Variants in VWA3B observed in about 807,000 individuals in gnomAD.
VWA3B encodes von Willebrand factor A domain-containing protein 3B.
A neutral mutation model predicts 158.3 loss-of-function variants in VWA3B; 138 were observed. The ratio of observed to expected loss-of-function variants is 0.87; its 90% CI spans 0.76 to 1.00. VWA3B has a LOEUF of 1.00. Among genes scored for constraint, VWA3B ranks in the 50% least tolerant of loss-of-function variants. The pLI is 0.00. For missense variants in VWA3B, 1,555 were observed against 1,565.1 expected (o/e 0.99, Z 0.11); for synonymous variants, 596 against 587.3 (o/e 1.01, Z -0.21).
intron 8 of VWA3B, 137 bp downstream of exon 8, chr2:98,163,113 C>A: frequency 7.2e-7 from 1 of 1,384,714 alleles, no homozygotes; most frequent in Non-Finnish European, 9.8e-7. Flanking sequence ...GCAGCCAGAG[C>A]TGTGTGGGGT....
At chr2:98,092,860 A>ATATATATATATATG (rs1553633936) in intron 1 of VWA3B, among the ~76,000 whole-genome samples, 3 of 118,518 alleles carry the variant, frequency 2.5e-5, no homozygotes, top group East Asian at 2.6e-4. Flanking sequence ...ATATATATAT[A>ATATATATATATATG]GTTGAATATT....
chr2:98,322,538 G>A, the VWA3B span, among the ~76,000 whole-genome samples: 1 of 152,200 alleles, frequency 6.6e-6, no homozygotes, highest in African/African-American at 2.4e-5. Context: ...GGAACTCTGT[G>A]AAAAAATTAG....
At chr2:98,214,221 C>CA (rs146956559) in intron 13 of VWA3B, among the ~76,000 whole-genome samples, 449 of 150,320 alleles carry the variant, frequency 3.0e-3, no homozygotes, top group Non-Finnish European at 4.5e-3. Flanking sequence ...AAGCAAAACA[C>CA]AAAAAAAACA....
chr2:98,163,846 G>A, intron 8 of VWA3B, among the ~76,000 whole-genome samples: 1 of 152,224 alleles, frequency 6.6e-6, no homozygotes. Context: ...AAAGCGATCA[G>A]ATACTGAGGG....
At chr2:98,145,360 A>G (rs550582040) in intron 7 of VWA3B, among the ~76,000 whole-genome samples, 1 of 152,294 alleles carries the variant, frequency 6.6e-6, no homozygotes, top group Admixed American at 6.5e-5. Flanking sequence ...ACATACCCCC[A>G]TGGAGTAGGT....
intron 21 of VWA3B, among the ~76,000 whole-genome samples, chr2:98,264,420 T>C (rs1687667121): frequency 6.6e-6 from 1 of 152,144 alleles, no homozygotes; most frequent in South Asian, 2.1e-4. Context: ...TGTTGTATTT[T>C]TCCTTCATTT....
chr2:98,109,283 C>T (rs116691898), intron 2 of VWA3B, among the ~76,000 whole-genome samples: 4,043 of 152,106 alleles, frequency 0.027, 65 homozygotes, highest in Middle Eastern at 0.085. Context: ...TGAGCCACCG[C>T]GCCTGGCTAT....
At chr2:98,102,666 G>A (rs1006964718) in intron 2 of VWA3B, among the ~76,000 whole-genome samples, 1 of 152,222 alleles carries the variant, frequency 6.6e-6, no homozygotes. Context: ...GTTCGTAAGA[G>A]ATATTGCTCC....
intron 4 of VWA3B, among the ~76,000 whole-genome samples, chr2:98,120,877 G>T (rs1674904031): frequency 6.6e-6 from 1 of 152,172 alleles, no homozygotes; most frequent in South Asian, 2.1e-4. Flanking sequence ...TGTCATGAAA[G>T]AATTAGAAAT....
At chr2:98,151,426 T>C (rs1160587394) in intron 7 of VWA3B, among the ~76,000 whole-genome samples, 3 of 152,208 alleles carry the variant, frequency 2.0e-5, no homozygotes, top group Non-Finnish European at 4.4e-5. Flanking sequence ...ATTCGTATTG[T>C]GGTGAATGCA....
At chr2:98,157,029 A>G (rs892225767) in intron 7 of VWA3B, among the ~76,000 whole-genome samples, 1 of 152,048 alleles carries the variant, frequency 6.6e-6, no homozygotes, top group African/African-American at 2.4e-5. Flanking sequence ...ACTGCATTAC[A>G]TTTGCATTTT....
intron 19 of VWA3B, among the ~76,000 whole-genome samples, chr2:98,247,407 A>G (rs1334469023): frequency 6.6e-6 from 1 of 152,160 alleles, no homozygotes; most frequent in Non-Finnish European, 1.5e-5. Flanking sequence ...CTTTCCCCCA[A>G]AAATCTTGTC....
intron 8 of VWA3B, among the ~76,000 whole-genome samples, chr2:98,174,224 A>C (rs768220986): frequency 1.1e-4 from 17 of 152,214 alleles, no homozygotes; most frequent in Non-Finnish European, 8.8e-5. Flanking sequence ...AAATCTCAGT[A>C]AGAATAGTGA....
chr2:98,142,865 C>A (rs1249604087), intron 7 of VWA3B, among the ~76,000 whole-genome samples: 1 of 152,120 alleles, frequency 6.6e-6, no homozygotes, highest in Non-Finnish European at 1.5e-5. Context: ...ACTGGCCATA[C>A]GTGGCTGGAG....
At chr2:98,158,377 C>T (rs1254086620) in intron 7 of VWA3B, among the ~76,000 whole-genome samples, 1 of 152,178 alleles carries the variant, frequency 6.6e-6, no homozygotes, top group East Asian at 1.9e-4. Context: ...CCCACAACAG[C>T]TGGCAGGCTG....
intron 8 of VWA3B, among the ~76,000 whole-genome samples, chr2:98,170,869 T>G (rs1326120935): frequency 1.3e-5 from 2 of 152,124 alleles, no homozygotes; most frequent in Non-Finnish European, 2.9e-5. Flanking sequence ...CCTCCCAAAG[T>G]GCTGGGATTA....
chr2:98,301,008 A>G (rs1366782554), intron 25 of VWA3B, among the ~76,000 whole-genome samples: 10 of 152,206 alleles, frequency 6.6e-5, no homozygotes, highest in Admixed American at 6.5e-4. Context: ...CCCTGTGTTT[A>G]GGCCAGGTGC....
intron 22 of VWA3B, among the ~76,000 whole-genome samples, chr2:98,281,711 C>G (rs993140717): frequency 6.6e-6 from 1 of 151,910 alleles, no homozygotes; most frequent in African/African-American, 2.4e-5. Flanking sequence ...AGGGTCACAC[C>G]ATTTGGGGCC....
At position 98,217,908 on chromosome 2, in the gene VWA3B, C is replaced by T. The variant is rs1335670395; in HGVS notation, c.1899C>T (p.Ser633=). The T allele has an allele frequency of 5.6e-6, 9 of 1,613,152 alleles. No individual in the cohort carries two copies. The South Asian group carries it at 9.9e-5, about 18-fold the overall frequency. The stretch of plus-strand genomic sequence containing the variant: ...AGGAAATTCCTATTTATACCATCTC[C>T]TTCAATTACAATGATGAGATTGCAA... ...RFQEIPIYTI[S]FNYNDEIANR... Residue 633 remains serine (S), a synonymous_variant, in exon 14 of 28, where the codon TCC becomes TCT. Coordinates refer to ENST00000477737, the MANE Select transcript of VWA3B (RefSeq NM_144992.5).
Sources: allele counts gnomAD v4.1 joint callset (sites outside exome capture counted in the v4.1 genomes callset), GRCh38; gene constraint gnomAD v4.1.1; transcripts MANE v1.5; gene names NCBI Gene and HGNC (gene_info 2026-07-23, HGNC 2026-07-21).